Variants in ALS2 observed in about 807,000 individuals in gnomAD.
ALS2 encodes alsin.
A neutral mutation model predicts 203.4 loss-of-function variants in ALS2; 117 were observed. The observed-to-expected ratio is 0.58, with a 90% CI of 0.50 to 0.67. The LOEUF (loss-of-function observed/expected upper bound fraction) is 0.67, where lower values mean the gene tolerates loss of function less well. Ranked by LOEUF, ALS2 falls within the 30% of genes least tolerant of loss-of-function variation. The pLI, the probability that ALS2 is intolerant of heterozygous loss-of-function variation, is 0.00. For synonymous variants in ALS2, 718 were observed against 725.9 expected, an observed-to-expected ratio of 0.99 and a Z score of 0.17; for missense variants, 1,715 against 1,989.4, an observed-to-expected ratio of 0.86 and a Z score of 2.62.
intron 23 of ALS2, 59 bp downstream of exon 23, chr2:201,722,983 TA>T (rs3219165): frequency 6.1e-4 from 782 of 1,289,300 alleles, no homozygotes; most frequent in Non-Finnish European, 7.3e-4. Flanking sequence ...ATTTTTAAAG[TA>T]AAAAAAAATT....
At chr2:201,771,406 C>T (rs1375218757) in intron 1 of ALS2, among the ~76,000 whole-genome samples, 1 of 152,098 alleles carries the variant, frequency 6.6e-6, no homozygotes, top group African/African-American at 2.4e-5. Context: ...CATCTTCCAA[C>T]AAGATACGTC....
chr2:201,726,996 A>G lies in ALS2; in HGVS notation c.2980-130T>C, dbSNP rs1691216224. 4 of 914,972 alleles carry G rather than the reference A, an allele frequency of 4.4e-6. No individual in the cohort carries two copies. The East Asian group carries it at 1.1e-4, about 24-fold the overall frequency. The allele number at this position is 914,972 out of a possible 1,614,324, so 56.7% of individuals were successfully genotyped here. A position where few individuals can be genotyped will look rare whatever the true frequency, so the allele number is the denominator to read the frequency against. ...ATGCTTTTCTTATTAATAGAGTAAT[A>G]TTGACTGGCTCTTGTATTTCTCTGC... is the stretch of plus-strand genomic sequence containing the variant. On this transcript the variant is annotated intron_variant, in intron 17 of 33. Transcript: ENST00000264276.
Position 201,760,953 on chromosome 2 carries a change from T to C in ALS2, c.1041A>G (p.Glu347=), listed in dbSNP as rs1208399333. The C allele has an allele frequency of 6.2e-7, 1 of 1,614,244 alleles. No homozygotes were observed. Among genetic ancestry groups the C allele is most frequent in the Non-Finnish European group, 8.5e-7 (1 of 1,180,044 alleles). ...AATGATCTGACAGTTTCCGTAGGTA[T>C]TCATTGACTGCTTGGGTGTCAGGGT... is the stretch of plus-strand genomic sequence containing the variant. ...PSYPDTQAVN[E]YLRKLSDHSV... is the part of the protein sequence containing the mutation. The change falls in exon 4 of 34, where the codon GAA becomes GAG. Residue 347 remains glutamate, a synonymous_variant. Coordinates refer to ENST00000264276, the MANE Select transcript of ALS2 (RefSeq NM_020919.4).
rs115270366 is a variant in ALS2 at position 201,727,336 on chromosome 2, G to A, written c.2913-58C>T. 14,601 of 1,343,980 alleles carry A rather than the reference G, an allele frequency of 0.011. 926 individuals are homozygous for A. In the African/African-American group the frequency reaches 0.16, roughly 15 times the overall value. The allele number at this position is 1,343,980 out of a possible 1,614,324, so 83.3% of individuals were successfully genotyped here. On this transcript the variant is annotated intron_variant, in intron 16 of 33. Transcript: ENST00000264276. ...TTTAACAACCTGTCATTACAGTATC[G>A]ATCCTCAAATATGAAAAGCAACCTC... is the stretch of plus-strand genomic sequence containing the variant.
chr2:201,735,117 A>G (rs1367281820), intron 12 of ALS2, among the ~76,000 whole-genome samples: 11 of 152,184 alleles, frequency 7.2e-5, no homozygotes, highest in Admixed American at 3.3e-4. Flanking sequence ...AGAACGACAA[A>G]TAAATACGTG....
At chr2:201,716,542 C>CA (rs745396344) in intron 24 of ALS2, 12,888 of 60,722 alleles carry the variant, frequency 0.21, 1,654 homozygotes, top group East Asian at 0.38. Context: ...CGCTCCATCT[C>CA]AAAAAAAAAA....
intron 12 of ALS2, among the ~76,000 whole-genome samples, chr2:201,737,360 G>A (rs1378251738): frequency 2.0e-5 from 3 of 152,058 alleles, no homozygotes; most frequent in Non-Finnish European, 2.9e-5. Context: ...GGTACCAAGA[G>A]ACAACTGTAT....
In ALS2 at chr2:201,761,801, A is replaced by G; in HGVS notation, c.193T>C (p.Phe65Leu). 1 of 1,613,950 alleles carries G rather than the reference A, an allele frequency of 6.2e-7. No individual in the cohort carries two copies. Among genetic ancestry groups the G allele is most frequent in the Non-Finnish European group, 8.5e-7 (1 of 1,179,996 alleles). The change falls in exon 4 of 34, where the codon TTT becomes CTT. Residue 65 changes from phenylalanine to leucine, a missense_variant. Transcript: ENST00000264276. Reference sequence around the variant, plus strand: ...CCACTTCTCCAGGGAAGAGTCCCAAAGCTGTAGACCTCACCATCTGAAGGT... The same window carrying G: ...CCACTTCTCCAGGGAAGAGTCCCAAGGCTGTAGACCTCACCATCTGAAGGT... ...LLTEDGEVYS[F>L]GTLPWRSGPV... is the part of the protein sequence containing the mutation.
chr2:201,769,517 C>T (rs1694274037), intron 1 of ALS2, among the ~76,000 whole-genome samples: 1 of 152,130 alleles, frequency 6.6e-6, no homozygotes, highest in African/African-American at 2.4e-5. Context: ...TGCCTCATAA[C>T]CCAAACGGTT....
rs549727520 is a variant in ALS2, at chr2:201,700,632, G to C, written c.*1219C>G. The C allele has an allele frequency of 1.8e-3, 274 of 152,690 alleles. No homozygotes were observed. The highest frequency in any genetic ancestry group is 2.8e-3 in the Non-Finnish European group (191 of 68,014). The allele number at this position is 152,690 out of a possible 1,614,324, so 9.5% of individuals were successfully genotyped here. On this transcript the variant is annotated 3_prime_UTR_variant, in exon 34 of 34. Transcript: ENST00000264276. ...CAAAACAGTATTTTAATAAACACTT[G>C]TCTTGATTATAAAGTAGAGCAAAAA...
At position 201,700,313 on chromosome 2, in the gene ALS2, G is replaced by C. The variant is rs868173236; in HGVS notation, c.*1538C>G. On this transcript the variant is annotated 3_prime_UTR_variant, in exon 34 of 34. Coordinates refer to ENST00000264276, the MANE Select transcript of ALS2 (RefSeq NM_020919.4). Reference sequence around the variant, plus strand: ...CAAAGAAATAATAGATTTCTTTGGAGACCCGTGTCCTTGGGTTATTGGGGT... The same window carrying C: ...CAAAGAAATAATAGATTTCTTTGGACACCCGTGTCCTTGGGTTATTGGGGT... Among the ~76,000 whole-genome samples, 22 of 152,146 alleles carry C rather than the reference G, an allele frequency of 1.4e-4. No homozygotes were observed. Among genetic ancestry groups the C allele is most frequent in the Middle Eastern group, 3.2e-3 (1 of 316 alleles).
chr2:201,750,948 G>A (rs1458355875), intron 7 of ALS2, among the ~76,000 whole-genome samples: 1 of 149,994 alleles, frequency 6.7e-6, no homozygotes, highest in Non-Finnish European at 1.5e-5. Context: ...CCGCCTCCCA[G>A]ATTCAAGCAA....
At chr2:201,724,003 A>T (rs560445334) in intron 21 of ALS2, among the ~76,000 whole-genome samples, 1 of 152,290 alleles carries the variant, frequency 6.6e-6, no homozygotes, top group South Asian at 2.1e-4. Context: ...CTGTGGTCCC[A>T]GCTACTTGGT....
rs748605843 is a variant in ALS2 at position 201,701,148 on chromosome 2, G to A, written c.*703C>T. 2 of 152,630 alleles carry A rather than the reference G, an allele frequency of 1.3e-5. No individual in the cohort carries two copies. The highest frequency in any genetic ancestry group is 4.1e-4 in the South Asian group (2 of 4,832). 9.5% of individuals were successfully genotyped at this position (152,630 alleles called of 1,614,324 possible). A position where few individuals can be genotyped will look rare whatever the true frequency, so the allele number is the denominator to read the frequency against. On this transcript the variant is annotated 3_prime_UTR_variant, in exon 34 of 34. Coordinates refer to ENST00000264276, the MANE Select transcript of ALS2 (RefSeq NM_020919.4). ...CCAGTGTATTCACTCTCTGTAGCAT[G>A]ATAAAGAAACCAAAAACAAAATTCC...
rs760076838 is a variant in ALS2 at position 201,715,762 on chromosome 2, C to T, written c.3914G>A (p.Gly1305Asp). ...AVFDECWRQL[G>D]CEGPGQGEVW... Reference sequence around the variant, plus strand: ...TTCCCCTTGGCCTGGGCCCTCACAGCCCAGTTGGCGCCAACATTCGTCAAA... The same window carrying T: ...TTCCCCTTGGCCTGGGCCCTCACAGTCCAGTTGGCGCCAACATTCGTCAAA... The change falls in exon 25 of 34, where the codon GGC becomes GAC. Residue 1305 changes from glycine (G) to aspartate (D), a missense_variant. Transcript: ENST00000264276. 3.1e-6 allele frequency: 5 copies of T among 1,614,220 alleles called. No homozygotes were observed. In the Admixed American group the frequency reaches 5.0e-5, roughly 16 times the overall value.
intron 12 of ALS2, among the ~76,000 whole-genome samples, chr2:201,734,343 C>T (rs1335543831): frequency 6.6e-6 from 1 of 152,052 alleles, no homozygotes; most frequent in Non-Finnish European, 1.5e-5. Flanking sequence ...GGCATGGAAG[C>T]GCACACCTGT....
Position 201,761,413 on chromosome 2 carries a change from T to A in ALS2, c.581A>T (p.Lys194Met), listed in dbSNP as rs1436276709. 1 of 1,608,516 alleles carries A rather than the reference T, an allele frequency of 6.2e-7. No individual in the cohort carries two copies. Among genetic ancestry groups the A allele is most frequent in the South Asian group, 1.1e-5 (1 of 90,732 alleles). ...CACTCGCCCAGCAAGATGTTCTACC[T>A]TTTGCGGCTTTGTCACTGGGAAGGC... The part of the protein sequence containing the change: ...TTAFPVTKPQ[K>M]VEHLAGRVVL... Residue 194 changes from lysine to methionine, a missense_variant, in exon 4 of 34, where the codon AAG becomes ATG. This residue lies in a region of ALS2 where 476 missense variants were observed against 539.3 expected (regional missense o/e 0.88). Transcript: ENST00000264276.
In ALS2 at chr2:201,761,018, C is replaced by T. The variant is rs1693732414; in HGVS notation, c.976G>A (p.Gly326Arg). 1.2e-6 allele frequency: 2 copies of T among 1,614,156 alleles called. No homozygotes were observed. The highest frequency in any genetic ancestry group is 4.5e-5 in the East Asian group (2 of 44,880). Residue 326 changes from glycine to arginine, a missense_variant, in exon 4 of 34, where the codon GGA (glycine) becomes AGA (arginine). This residue lies in a region of ALS2 where 476 missense variants were observed against 539.3 expected (regional missense o/e 0.88). Transcript: ENST00000264276. ...CTGGCAGAGGAAATTTCAGTTGTTCCCATGACATTTTGTTGAGAGGACATG... is the reference window on the plus strand; with the variant it reads ...CTGGCAGAGGAAATTTCAGTTGTTCTCATGACATTTTGTTGAGAGGACATG... Reference protein sequence around the residue: ...DAMSSQQNVMGTTEISSARNI... With the variant: ...DAMSSQQNVMRTTEISSARNI...
At chr2:201,720,527 ACT>A (rs1690707725) in intron 23 of ALS2, among the ~76,000 whole-genome samples, 1 of 134,690 alleles carries the variant, frequency 7.4e-6, no homozygotes, top group South Asian at 2.7e-4. Context: ...ACATAGCGAA[ACT>A]CTGTCTCTAC....
Sources: gnomAD v4.1 joint callset for allele counts (sites outside exome capture counted in the v4.1 genomes callset) on GRCh38, gnomAD v4.1.1 for gene constraint, gnomAD v4.1.1 regional missense constraint, MANE v1.5 for transcripts, NCBI Gene and HGNC (gene_info 2026-07-23, HGNC 2026-07-21) for gene names.